Variants in PHF2 observed in about 807,000 individuals in gnomAD.
PHF2 encodes the protein lysine-specific demethylase PHF2.
Under a neutral mutation model 120.5 loss-of-function variants are expected in PHF2, and 27 were observed. That is an observed-to-expected ratio of 0.22 (90% confidence interval 0.17 to 0.31). The LOEUF is 0.31. Ranked by LOEUF, PHF2 falls within the 10% of genes least tolerant of loss-of-function variation. The pLI is 1.00. For missense variants in PHF2, 1,024 were observed against 1,434.8 expected, an observed-to-expected ratio of 0.71 and a Z score of 4.63; for synonymous variants, 568 against 592.5, an observed-to-expected ratio of 0.96 and a Z score of 0.60.
intron 1 of PHF2, among the ~76,000 whole-genome samples, chr9:93,581,012 G>A (rs1185076617): frequency 6.6e-6 from 1 of 152,110 alleles, no homozygotes; most frequent in Non-Finnish European, 1.5e-5. Context: ...TGGGGAGTGA[G>A]GACTGGGGTC....
chr9:93,608,398 G>GTTT (rs35097935), intron 1 of PHF2, among the ~76,000 whole-genome samples: 177 of 142,678 alleles, frequency 1.2e-3, no homozygotes, highest in East Asian at 9.2e-3. Context: ...TTGATTGGTA[G>GTTT]TTTTTTTTTT....
chr9:93,605,722 G>GT (rs994389669), intron 1 of PHF2, among the ~76,000 whole-genome samples: 18 of 152,034 alleles, frequency 1.2e-4, no homozygotes, highest in Non-Finnish European at 2.5e-4. Context: ...GACTCTTCAT[G>GT]TTTTTTTCAT....
intron 17 of PHF2, 70 bp from the exon 18 acceptor site, chr9:93,673,515 G>T: frequency 7.2e-7 from 1 of 1,393,974 alleles, no homozygotes; most frequent in South Asian, 1.4e-5. Flanking sequence ...CAGGCCATAG[G>T]CTGTTGTTTA....
In PHF2 at chr9:93,662,717, T is replaced by A. The variant is rs568586063; in HGVS notation, c.1699-190T>A. 8.6e-4 allele frequency among the ~76,000 whole-genome samples: 129 copies of A among 149,806 alleles called. 1 individual carries two copies. Among genetic ancestry groups the A allele is most frequent in the Non-Finnish European group, 1.6e-3 (105 of 66,926 alleles). On this transcript the variant is annotated intron_variant, in intron 12 of 21. Transcript: ENST00000359246. ...ATGGATGGATGAACGAATGAATGAA[T>A]AAATGGATGGATGGATGGGTGGGTG...
chr9:93,648,123 A>G (rs1230777438), intron 4 of PHF2, among the ~76,000 whole-genome samples: 1 of 148,058 alleles, frequency 6.8e-6, no homozygotes, highest in African/African-American at 2.5e-5. Context: ...GCATTTTTTT[A>G]TATCCCTGAA....
chr9:93,615,127 A>ATGATGGTGATGGTGATAG (rs1825704491), intron 1 of PHF2, among the ~76,000 whole-genome samples: 2 of 150,496 alleles, frequency 1.3e-5, no homozygotes, highest in South Asian at 4.2e-4. Flanking sequence ...GATGGCGATG[A>ATGATGGTGATGGTGATAG]TGATGGTGAT....
Position 93,656,440 on chromosome 9 carries a change from G to A in PHF2, c.1041-49G>A, listed in dbSNP as rs373680350. 80 of 1,313,156 alleles carry A rather than the reference G, an allele frequency of 6.1e-5. No individual in the cohort carries two copies. The highest frequency in any genetic ancestry group is 8.7e-5 in the African/African-American group (6 of 69,332). The allele number at this position is 1,313,156 out of a possible 1,614,324, so 81.3% of individuals were successfully genotyped here. ...GGGGCCTGGATTGATGCCCAGCGTC[G>A]CCTGCTTGATGGTCAGTGCACTGAG... On this transcript the variant is annotated intron_variant, in intron 8 of 21. Coordinates refer to ENST00000359246, the MANE Select transcript of PHF2 (RefSeq NM_005392.4). The surrounding 1 kb of genome is among the most constrained non-coding windows in gnomAD (Gnocchi z 4.1).
chr9:93,626,680 C>T (rs1825919941), intron 1 of PHF2, among the ~76,000 whole-genome samples: 1 of 152,150 alleles, frequency 6.6e-6, no homozygotes, highest in Non-Finnish European at 1.5e-5. Flanking sequence ...AAGATTTACT[C>T]CTATGTTTTC....
At position 93,665,610 on chromosome 9, in the gene PHF2, A is replaced by T. The variant is rs1345034158; in HGVS notation, c.1938-76A>T. 5.3e-6 allele frequency: 8 copies of T among 1,504,632 alleles called. No homozygotes were observed. In the Admixed American group the frequency reaches 1.6e-4, roughly 31 times the overall value. The allele number at this position is 1,504,632 out of a possible 1,614,324, so 93.2% of individuals were successfully genotyped here. On this transcript the variant is annotated intron_variant, in intron 14 of 21. Transcript: ENST00000359246. ...CATCCTGCCGCGGCCCTGGCAGAGGACCCCTCGGGAGGTCCTACCTGTCCG... is the reference window on the plus strand; with the variant it reads ...CATCCTGCCGCGGCCCTGGCAGAGGTCCCCTCGGGAGGTCCTACCTGTCCG...
intron 1 of PHF2, 47 bp from the exon 2 acceptor site, chr9:93,629,923 A>G (rs1825971955): frequency 1.3e-6 from 2 of 1,567,504 alleles, no homozygotes; most frequent in African/African-American, 2.7e-5. Context: ...AAAGTGCTTG[A>G]GGGGGTGCTG....
chr9:93,670,118 G>C (rs995990278), intron 17 of PHF2, among the ~76,000 whole-genome samples: 1 of 152,254 alleles, frequency 6.6e-6, no homozygotes. Context: ...GGTGGAGAGG[G>C]GATGGGCAGC....
At position 93,671,663 on chromosome 9, in the gene PHF2, G is replaced by C. The variant is rs1193331303; in HGVS notation, c.2349-1922G>C. On this transcript the variant is annotated intron_variant, in intron 17 of 21. Coordinates refer to ENST00000359246, the MANE Select transcript of PHF2 (RefSeq NM_005392.4). The stretch of plus-strand genomic sequence containing the variant: ...AGGTGTAGATGCAGTTGTGGGTGTG[G>C]ATGTAGGTACAGGTGTAGATGCAGG... Among the ~76,000 whole-genome samples the C allele has an allele frequency of 1.3e-4, 18 of 141,886 alleles. 1 individual carries two copies. The highest frequency in any genetic ancestry group is 2.5e-4 in the Non-Finnish European group (16 of 63,876). The allele number at this position is 141,886 out of a possible 152,430, so 93.1% of individuals were successfully genotyped here. A position where few individuals can be genotyped will look rare whatever the true frequency, so the allele number is the denominator to read the frequency against.
At chr9:93,622,567 G>A (rs1180755877) in intron 1 of PHF2, among the ~76,000 whole-genome samples, 4 of 152,190 alleles carry the variant, frequency 2.6e-5, no homozygotes, top group Non-Finnish European at 5.9e-5. Context: ...CATGGAAGGG[G>A]CCGGGAGCCA....
chr9:93,663,372 G>T (rs1039427902), intron 13 of PHF2, 145 bp from the exon 14 acceptor site: 24 of 677,494 alleles, frequency 3.5e-5, no homozygotes, highest in Non-Finnish European at 6.1e-5. Context: ...TGAGCACCCC[G>T]CAGTGGCCCG....
intron 1 of PHF2, among the ~76,000 whole-genome samples, chr9:93,625,797 G>A (rs899115617): frequency 6.6e-6 from 1 of 151,508 alleles, no homozygotes; most frequent in Admixed American, 6.6e-5. Context: ...AATTCTTTTG[G>A]GTATGTATCT....
In PHF2 at chr9:93,615,283, AATGATG is replaced by A. The variant is rs541633872; in HGVS notation, c.99-14686_99-14681del. On this transcript the variant is annotated intron_variant, in intron 1 of 21. Transcript: ENST00000359246. ...GATGATTGGTGATGGTGATGATAGT[AATGATG>A]GTGATGGTGATGATGTGTGATAGTG... 8.2e-5 allele frequency among the ~76,000 whole-genome samples: 12 copies of A among 146,280 alleles called. No individual in the cohort carries two copies. In the East Asian group the frequency reaches 2.6e-3, roughly 32 times the overall value.
At chr9:93,638,526 A>G (rs139821665) in intron 3 of PHF2, among the ~76,000 whole-genome samples, 3 of 152,318 alleles carry the variant, frequency 2.0e-5, no homozygotes, top group African/African-American at 7.2e-5. Flanking sequence ...CCATTGGTTG[A>G]AAAAACTATT....
At chr9:93,580,269 G>T (rs1487236145) in intron 1 of PHF2, among the ~76,000 whole-genome samples, 2 of 152,252 alleles carry the variant, frequency 1.3e-5, no homozygotes, top group Non-Finnish European at 2.9e-5. Context: ...GGGAGGGATG[G>T]ATTTTTGTGG....
chr9:93,673,124 A>G (rs1392766386), intron 17 of PHF2, among the ~76,000 whole-genome samples: 1 of 151,868 alleles, frequency 6.6e-6, no homozygotes, highest in African/African-American at 2.4e-5. Context: ...AAGGTTCCCT[A>G]CAAAGTGGGG....
Sources: allele counts gnomAD v4.1 joint callset (sites outside exome capture counted in the v4.1 genomes callset), GRCh38; gene constraint gnomAD v4.1.1; non-coding constraint Gnocchi (gnomAD v3.1); transcripts MANE v1.5; gene names NCBI Gene and HGNC (gene_info 2026-07-23, HGNC 2026-07-21).